The following LINGO2 variants were observed in gnomAD, a reference collection of about 807,000 sequenced individuals.
The protein encoded by LINGO2 is leucine rich repeat and Ig domain containing 2.
In LINGO2, 14 loss-of-function variants were observed where a neutral mutation model predicts 30.6. That is an observed-to-expected ratio of 0.46 (90% CI 0.30 to 0.72). LINGO2 has a LOEUF of 0.72. Ranked by LOEUF, LINGO2 falls within the 30% of genes least tolerant of loss-of-function variation. The pLI, the probability that LINGO2 is intolerant of heterozygous loss-of-function variation, is 0.07. For missense variants in LINGO2, 729 were observed against 751.7 expected (o/e 0.97, Z 0.35); for synonymous variants, 317 against 288.5 (o/e 1.10, Z -1.00).
At chr9:28,951,986 A>T in the LINGO2 span, among the ~76,000 whole-genome samples, 1 of 152,148 alleles carries the variant, frequency 6.6e-6, no homozygotes, top group Non-Finnish European at 1.5e-5. Flanking sequence ...AATCAAAACC[A>T]CAATGAGATA....
At chr9:29,096,069 A>G in the LINGO2 span, among the ~76,000 whole-genome samples, 9 of 138,734 alleles carry the variant, frequency 6.5e-5, no homozygotes, top group Non-Finnish European at 9.4e-5. Flanking sequence ...CAGAAGCCCA[A>G]TGATGTTACT....
intron 4 of LINGO2, among the ~76,000 whole-genome samples, chr9:28,098,748 C>T (rs942533488): frequency 6.6e-6 from 1 of 152,068 alleles, no homozygotes; most frequent in African/African-American, 2.4e-5. Flanking sequence ...CAAGAGTTCA[C>T]AAAACAATGA....
At chr9:28,054,322 C>T (rs889551891) in intron 4 of LINGO2, among the ~76,000 whole-genome samples, 1 of 152,040 alleles carries the variant, frequency 6.6e-6, no homozygotes, top group Non-Finnish European at 1.5e-5. Context: ...TTTCTTTTGA[C>T]TCTTGGATGG....
chr9:29,066,494 T>G, the LINGO2 span, among the ~76,000 whole-genome samples: 1 of 151,906 alleles, frequency 6.6e-6, no homozygotes, highest in African/African-American at 2.4e-5. Context: ...AGGTACTCAG[T>G]GTATTTGCGA....
chr9:28,259,538 G>T (rs1184076070), intron 4 of LINGO2, among the ~76,000 whole-genome samples: 1 of 151,736 alleles, frequency 6.6e-6, no homozygotes, highest in African/African-American at 2.4e-5. Flanking sequence ...AGGGAAGAAG[G>T]TTTTTGAGGG....
intron 1 of LINGO2, among the ~76,000 whole-genome samples, chr9:28,516,394 G>A (rs1820619746): frequency 6.6e-6 from 1 of 152,168 alleles, no homozygotes; most frequent in Non-Finnish European, 1.5e-5. Context: ...TTAGAAATAA[G>A]AGAGAAGTGC....
chr9:28,644,592 AAAAG>A lies in LINGO2; in HGVS notation c.-365+25604_-365+25607del, dbSNP rs569341127. 7.1e-3 allele frequency among the ~76,000 whole-genome samples: 1,075 copies of A among 152,012 alleles called. 9 individuals carry two copies. Among genetic ancestry groups the A allele is most frequent in the Middle Eastern group, 0.024 (7 of 290 alleles). ...TTAATGGGTGCAAACAGAAAAAAAA[AAAAG>A]AAAGAATTAATAAGACCCAGTATTT... is the stretch of plus-strand genomic sequence containing the variant. On this transcript the variant is annotated intron_variant, in intron 1 of 5. Coordinates refer to ENST00000379992, the Ensembl canonical transcript of LINGO2.
At chr9:28,481,712 C>T (rs141082168) in intron 1 of LINGO2, among the ~76,000 whole-genome samples, 3,244 of 151,980 alleles carry the variant, frequency 0.021, 102 homozygotes, top group East Asian at 0.1. Flanking sequence ...ATTGCTGGTG[C>T]GCTGCACCCA....
chr9:28,533,641 C>G (rs1821319835), intron 1 of LINGO2, among the ~76,000 whole-genome samples: 1 of 152,126 alleles, frequency 6.6e-6, no homozygotes, highest in African/African-American at 2.4e-5. Context: ...AAACTGACTG[C>G]AGACTATATT....
chr9:27,979,530 A>G (rs536287898), intron 5 of LINGO2, among the ~76,000 whole-genome samples: 18 of 152,130 alleles, frequency 1.2e-4, no homozygotes, highest in African/African-American at 4.3e-4. Flanking sequence ...ACACATTTTA[A>G]TAAAATAGTT....
the LINGO2 span, among the ~76,000 whole-genome samples, chr9:29,115,597 A>T: frequency 1.4e-5 from 2 of 147,300 alleles, no homozygotes; most frequent in East Asian, 4.1e-4. Flanking sequence ...GTTTTTTTTT[A>T]AAGAAAAGAT....
the LINGO2 span, among the ~76,000 whole-genome samples, chr9:28,813,940 A>G: frequency 6.6e-6 from 1 of 152,172 alleles, no homozygotes. Flanking sequence ...CAAAGTTACC[A>G]TGGGCAGCCT....
intron 4 of LINGO2, among the ~76,000 whole-genome samples, chr9:28,199,379 G>GC (rs1219302217): frequency 7.8e-5 from 10 of 127,804 alleles, no homozygotes; most frequent in South Asian, 6.6e-4. Flanking sequence ...TCGCTCTGTC[G>GC]CCAGGCTGGA....
chr9:28,664,218 A>G (rs1248954877), intron 1 of LINGO2, among the ~76,000 whole-genome samples: 1 of 152,162 alleles, frequency 6.6e-6, no homozygotes, highest in Non-Finnish European at 1.5e-5. Flanking sequence ...AGGTAAGACT[A>G]TGGCTAAGGG....
the LINGO2 span, among the ~76,000 whole-genome samples, chr9:28,955,331 T>C: frequency 6.6e-6 from 1 of 152,102 alleles, no homozygotes; most frequent in South Asian, 2.1e-4. Flanking sequence ...AATCTTTGCT[T>C]TGACATAGTT....
chr9:27,952,365 A>G (rs141920544), intron 5 of LINGO2, among the ~76,000 whole-genome samples: 66 of 152,150 alleles, frequency 4.3e-4, no homozygotes, highest in African/African-American at 1.5e-3. Context: ...CTATGTAGAG[A>G]GATTAAATAT....
the LINGO2 span, among the ~76,000 whole-genome samples, chr9:28,764,553 C>G: frequency 6.6e-6 from 1 of 151,880 alleles, no homozygotes; most frequent in Non-Finnish European, 1.5e-5. Context: ...GGATAATCAA[C>G]AGGAAAAACC....
the LINGO2 span, among the ~76,000 whole-genome samples, chr9:28,744,611 TGTGTG>T: frequency 1.5e-5 from 2 of 133,988 alleles, no homozygotes; most frequent in African/African-American, 2.9e-5. Context: ...ATTCCCCTCG[TGTGTG>T]TGTGTGTGTG....
At chr9:28,010,795 G>C (rs540824920) in intron 5 of LINGO2, among the ~76,000 whole-genome samples, 9 of 152,066 alleles carry the variant, frequency 5.9e-5, no homozygotes, top group African/African-American at 2.2e-4. Flanking sequence ...ACTCCAAAAA[G>C]AAATTAAAAA....
Sources: allele counts gnomAD v4.1 joint callset (sites outside exome capture counted in the v4.1 genomes callset), GRCh38; gene constraint gnomAD v4.1.1; transcripts MANE v1.5; gene names NCBI Gene and HGNC (gene_info 2026-07-23, HGNC 2026-07-21).